CDH12: variants seen among roughly 807,000 people sequenced by gnomAD.
CDH12 encodes cadherin 12.
In CDH12, 41 loss-of-function variants were observed where a neutral mutation model predicts 74.1. The observed-to-expected ratio is 0.55, with a 90% CI of 0.43 to 0.72. The LOEUF is 0.72. Ranked by LOEUF, CDH12 falls within the 30% of genes least tolerant of loss-of-function variation. CDH12 has a pLI of 0.00. For synonymous variants in CDH12, 399 were observed against 355.0 expected, an observed-to-expected ratio of 1.12 and a Z score of -1.39; for missense variants, 945 against 977.2, an observed-to-expected ratio of 0.97 and a Z score of 0.44.
chr5:22,318,438 T>C (rs1431808017), intron 3 of CDH12, among the ~76,000 whole-genome samples: 1 of 152,218 alleles, frequency 6.6e-6, no homozygotes, highest in African/African-American at 2.4e-5. Context: ...GAATCAAAGT[T>C]CATTTCCCTC....
At chr5:22,509,865 T>C (rs1163700165) in intron 1 of CDH12, among the ~76,000 whole-genome samples, 3 of 152,014 alleles carry the variant, frequency 2.0e-5, no homozygotes, top group Admixed American at 6.6e-5. Flanking sequence ...TGCCCAAATA[T>C]ATAATATGGT....
chr5:22,761,770 TA>T (rs1219337399), intron 1 of CDH12, among the ~76,000 whole-genome samples: 1 of 152,326 alleles, frequency 6.6e-6, no homozygotes, highest in East Asian at 1.9e-4. Context: ...TTGTTAAATT[TA>T]TGATTAATCT....
rs527805791 is a variant in CDH12, at chr5:21,894,767, G to A, written c.527-39977C>T. 5.9e-5 allele frequency among the ~76,000 whole-genome samples: 9 copies of A among 152,116 alleles called. 1 individual carries two copies. Among genetic ancestry groups the A allele is most frequent in the Admixed American group, 5.9e-4 (9 of 15,282 alleles). ...GGCAGAGTTTATTTATCTTTCATCT[G>A]TAAAAGGGGTAACCCTTGGCAACAC... is the stretch of plus-strand genomic sequence containing the variant. On this transcript the variant is annotated intron_variant, in intron 6 of 14. Coordinates refer to ENST00000382254, the MANE Select transcript of CDH12 (RefSeq NM_004061.5).
intron 3 of CDH12, among the ~76,000 whole-genome samples, chr5:22,277,467 A>G (rs181678627): frequency 0.014 from 2,058 of 151,720 alleles, 18 homozygotes; most frequent in Middle Eastern, 0.021. Context: ...GCCCAGAGAT[A>G]TCTTCTCTGA....
intron 1 of CDH12, among the ~76,000 whole-genome samples, chr5:22,779,996 T>C (rs1469843492): frequency 6.6e-6 from 1 of 152,234 alleles, no homozygotes; most frequent in African/African-American, 2.4e-5. Flanking sequence ...GTTCATCTTC[T>C]TTATAACAGT....
intron 1 of CDH12, among the ~76,000 whole-genome samples, chr5:22,816,659 T>C (rs968075680): frequency 6.6e-6 from 1 of 152,182 alleles, no homozygotes; most frequent in Non-Finnish European, 1.5e-5. Flanking sequence ...TGATTAGGTA[T>C]GACCCATGAC....
intron 4 of CDH12, among the ~76,000 whole-genome samples, chr5:22,084,892 C>T (rs1345355891): frequency 6.6e-6 from 1 of 152,168 alleles, no homozygotes; most frequent in Non-Finnish European, 1.5e-5. Flanking sequence ...CCTGGGTATA[C>T]TTGCCCCAGC....
intron 1 of CDH12, among the ~76,000 whole-genome samples, chr5:22,705,130 T>TATACACACACACACAC (rs752782183): frequency 8.0e-6 from 1 of 125,546 alleles, no homozygotes; most frequent in East Asian, 2.3e-4. Context: ...TATATATATA[T>TATACACACACACACAC]ACACACACAC....
In CDH12 at chr5:22,153,856, GTGTATATATATATA is replaced by G. The variant is rs1360602222; in HGVS notation, c.-187+58628_-187+58641del. Among the ~76,000 whole-genome samples, 98 of 114,070 alleles carry G rather than the reference GTGTATATATATATA, an allele frequency of 8.6e-4. 2 individuals are homozygous for G. Among genetic ancestry groups the G allele is most frequent in the African/African-American group, 3.1e-3 (91 of 29,138 alleles). The allele number at this position is 114,070 out of a possible 152,430, so 74.8% of individuals were successfully genotyped here. ...GTTATATATATACATATATGTGTGT[GTGTATATATATATA>G]TGTATATATATATATATAAATATAT... On this transcript the variant is annotated intron_variant, in intron 4 of 14. Coordinates refer to ENST00000382254, the MANE Select transcript of CDH12 (RefSeq NM_004061.5).
chr5:22,515,839 G>C (rs1323928739), intron 1 of CDH12, among the ~76,000 whole-genome samples: 1 of 151,936 alleles, frequency 6.6e-6, no homozygotes, highest in Non-Finnish European at 1.5e-5. Flanking sequence ...TATCAACTTG[G>C]AGTAGAAAAT....
At chr5:22,185,801 C>A (rs1396821994) in intron 4 of CDH12, among the ~76,000 whole-genome samples, 3 of 152,122 alleles carry the variant, frequency 2.0e-5, no homozygotes, top group Non-Finnish European at 4.4e-5. Context: ...GTTCCATTTA[C>A]ATTTATTCCA....
chr5:22,780,865 C>G (rs1161611853), intron 1 of CDH12, among the ~76,000 whole-genome samples: 2 of 151,916 alleles, frequency 1.3e-5, no homozygotes, highest in Non-Finnish European at 2.9e-5. Context: ...TAAATATTTG[C>G]TTTAGTAGTC....
chr5:21,960,550 C>T (rs181402884), intron 6 of CDH12, among the ~76,000 whole-genome samples: 334 of 152,174 alleles, frequency 2.2e-3, no homozygotes, highest in Non-Finnish European at 3.6e-3. Flanking sequence ...GACCAATTAC[C>T]GTTCCCTTGT....
chr5:22,123,007 G>T (rs144725325), intron 4 of CDH12, among the ~76,000 whole-genome samples: 12 of 152,226 alleles, frequency 7.9e-5, no homozygotes, highest in Middle Eastern at 3.4e-3. Context: ...TATCTGGGGA[G>T]TTCTTAGCTT....
chr5:22,701,128 T>C (rs1258721377), intron 1 of CDH12, among the ~76,000 whole-genome samples: 1 of 152,142 alleles, frequency 6.6e-6, no homozygotes, highest in Non-Finnish European at 1.5e-5. Flanking sequence ...TGCAAATTTA[T>C]TTCTCTAACA....
At chr5:22,423,252 G>C (rs1021193300) in intron 2 of CDH12, among the ~76,000 whole-genome samples, 12 of 143,730 alleles carry the variant, frequency 8.3e-5, no homozygotes, top group Non-Finnish European at 1.5e-4. Flanking sequence ...AACTTATGAA[G>C]ATAGCTTTTA....
chr5:22,478,280 A>T (rs1300587595), intron 2 of CDH12, among the ~76,000 whole-genome samples: 2 of 151,574 alleles, frequency 1.3e-5, no homozygotes, highest in African/African-American at 4.8e-5. Flanking sequence ...AAGCCGGGCG[A>T]GGTGGCGGGC....
intron 1 of CDH12, among the ~76,000 whole-genome samples, chr5:22,689,533 C>A (rs1409165881): frequency 1.3e-5 from 2 of 151,886 alleles, no homozygotes; most frequent in Admixed American, 6.6e-5. Flanking sequence ...ACAGTAAGTG[C>A]AAATACATAA....
At chr5:22,619,642 C>T (rs1737869639) in intron 1 of CDH12, among the ~76,000 whole-genome samples, 1 of 151,722 alleles carries the variant, frequency 6.6e-6, no homozygotes, top group African/African-American at 2.4e-5. Flanking sequence ...CTATAATTCT[C>T]ATGAAAACCT....
Sources: allele counts gnomAD v4.1 joint callset (sites outside exome capture counted in the v4.1 genomes callset), GRCh38; gene constraint gnomAD v4.1.1; transcripts MANE v1.5; gene names NCBI Gene and HGNC (gene_info 2026-07-23, HGNC 2026-07-21).